The following FBXL13 variants were observed in gnomAD, a reference collection of about 807,000 sequenced individuals.
FBXL13 encodes the protein F-box and leucine-rich repeat protein 13.
A neutral mutation model predicts 83.6 loss-of-function variants in FBXL13; 67 were observed. That is an observed-to-expected ratio of 0.80 (90% CI 0.66 to 0.98). The LOEUF (loss-of-function observed/expected upper bound fraction) is 0.98, where lower values mean the gene tolerates loss of function less well. Ranked by LOEUF, FBXL13 falls within the 50% of genes least tolerant of loss-of-function variation. FBXL13 has a pLI of 0.00. For missense variants in FBXL13, 822 were observed against 866.5 expected (o/e 0.95, Z 0.64); for synonymous variants, 272 against 299.5 (o/e 0.91, Z 0.95).
intron 8 of FBXL13, among the ~76,000 whole-genome samples, chr7:102,962,653 T>TA (rs1277188021): frequency 3.9e-5 from 6 of 151,940 alleles, no homozygotes; most frequent in African/African-American, 1.2e-4. Context: ...TATGCAGCCA[T>TA]AAAAAATGAT....
chr7:102,883,534 A>G, intron 13 of FBXL13, 34 bp downstream of exon 14: 1 of 1,588,374 alleles, frequency 6.3e-7, no homozygotes, highest in Non-Finnish European at 8.6e-7. Flanking sequence ...AAAAGTAAAC[A>G]ATAATGCTGA....
Position 102,899,204 on chromosome 7 carries a change from T to A in FBXL13, c.1008+13882A>T, listed in dbSNP as rs368336873. ...CTGGAATTATAGGCGTGAGCCACCGTGCCCAGTCTGGAAGTATTCTTTTAA... is the reference window on the plus strand; with the variant it reads ...CTGGAATTATAGGCGTGAGCCACCGAGCCCAGTCTGGAAGTATTCTTTTAA... On this transcript the variant is annotated intron_variant, in intron 11 of 19. Coordinates refer to ENST00000313221, the Ensembl canonical transcript of FBXL13. 9.2e-5 allele frequency among the ~76,000 whole-genome samples: 14 copies of A among 152,330 alleles called. No homozygotes were observed. The East Asian group carries it at 1.7e-3, about 19-fold the overall frequency.
intron 1 of FBXL13, among the ~76,000 whole-genome samples, chr7:103,057,936 C>T (rs1797494866): frequency 6.6e-6 from 1 of 152,090 alleles, no homozygotes; most frequent in Non-Finnish European, 1.5e-5. Flanking sequence ...CCCACTCCTG[C>T]TGGCTTCTTC....
At position 102,963,599 on chromosome 7, in the gene FBXL13, G is replaced by A. The variant is rs765103638; in HGVS notation, c.658C>T (p.Arg220Cys). The A allele has an allele frequency of 2.4e-5, 38 of 1,612,520 alleles. No individual in the cohort carries two copies. Among genetic ancestry groups the A allele is most frequent in the South Asian group, 3.3e-5 (3 of 90,586 alleles). ...AAATTCAAACGCAGCACATTTAAACGCCACCTTTGCAAAGTAGACACTATA... is the reference window on the plus strand; with the variant it reads ...AAATTCAAACGCAGCACATTTAAACACCACCTTTGCAAAGTAGACACTATA... The change falls in exon 8 of 20, where the codon CGT (arginine) becomes TGT (cysteine). Residue 220 changes from arginine (R) to cysteine (C), a missense_variant. Physicochemically the swap from Arg to Cys is radical, Grantham distance 180 (BLOSUM62 -3). Transcript: ENST00000313221.
intron 6 of FBXL13, among the ~76,000 whole-genome samples, chr7:103,019,242 G>A (rs1014379259): frequency 2.0e-5 from 3 of 152,196 alleles, no homozygotes; most frequent in Non-Finnish European, 4.4e-5. Context: ...ATAATGAAAT[G>A]AAGGCAGAAA....
At position 102,933,756 on chromosome 7, in the gene FBXL13, T is replaced by C. The variant is rs151327013; in HGVS notation, c.725-1823A>G. The C allele has an allele frequency of 2.1e-4, 135 of 657,280 alleles. No homozygotes were observed. In the African/African-American group the frequency reaches 2.2e-3, roughly 11 times the overall value. 40.7% of individuals were successfully genotyped at this position (657,280 alleles called of 1,614,324 possible). A position where few individuals can be genotyped will look rare whatever the true frequency, so the allele number is the denominator to read the frequency against. ...GCAATGGGCCTTAATTTTTAATATA[T>C]ATTTTTTTCTCTTCCAGCCTAGGGA... On this transcript the variant is annotated intron_variant, in intron 8 of 19. Transcript: ENST00000313221.
intron 2 of FBXL13, among the ~76,000 whole-genome samples, chr7:103,040,041 G>A (rs1795498196): frequency 6.6e-6 from 1 of 151,546 alleles, no homozygotes; most frequent in Admixed American, 6.6e-5. Context: ...ACTGGATAAA[G>A]AGTCAAGACC....
chr7:102,829,235 G>A (rs757058418), intron 18 of FBXL13, among the ~76,000 whole-genome samples: 7 of 152,234 alleles, frequency 4.6e-5, no homozygotes, highest in South Asian at 2.1e-4. Flanking sequence ...AGGAATCCTC[G>A]GCTTCTGTTG....
chr7:103,062,787 C>T (rs1025036555), intron 1 of FBXL13, among the ~76,000 whole-genome samples: 5 of 152,170 alleles, frequency 3.3e-5, no homozygotes, highest in Admixed American at 6.5e-5. Context: ...AATGTATAAT[C>T]TCATCCCAAA....
chr7:103,016,872 C>T (rs1352942608), intron 6 of FBXL13, among the ~76,000 whole-genome samples: 2 of 152,218 alleles, frequency 1.3e-5, no homozygotes, highest in Non-Finnish European at 2.9e-5. Flanking sequence ...GGAGGCCTAC[C>T]TGCCTCTGTA....
intron 10 of FBXL13, among the ~76,000 whole-genome samples, chr7:102,915,334 T>C (rs1252223467): frequency 6.6e-6 from 1 of 152,130 alleles, no homozygotes; most frequent in Admixed American, 6.5e-5. Context: ...TTTAAAACTA[T>C]ATGTAATATT....
chr7:102,856,229 G>A (rs886802989), intron 16 of FBXL13, among the ~76,000 whole-genome samples: 1 of 152,156 alleles, frequency 6.6e-6, no homozygotes, highest in East Asian at 1.9e-4. Flanking sequence ...ACCAAATCCT[G>A]TGGAGCCATC....
chr7:102,822,265 C>T, intron 18 of FBXL13, 62 bp from the exon 20 acceptor site: 2 of 1,516,780 alleles, frequency 1.3e-6, no homozygotes, highest in Non-Finnish European at 1.8e-6. Context: ...AGAACAGTGC[C>T]TTAGTCACTT....
chr7:103,011,238 G>T (rs1210653302), intron 6 of FBXL13, among the ~76,000 whole-genome samples: 3 of 152,158 alleles, frequency 2.0e-5, no homozygotes, highest in Non-Finnish European at 4.4e-5. Context: ...ATAAGGATAG[G>T]AATGAAGATC....
intron 11 of FBXL13, among the ~76,000 whole-genome samples, chr7:102,890,452 C>G (rs1195746544): frequency 6.6e-6 from 1 of 152,188 alleles, no homozygotes; most frequent in Non-Finnish European, 1.5e-5. Flanking sequence ...CAGTGGTGTT[C>G]CAACCACAAG....
chr7:102,948,078 T>G (rs1016113318), intron 8 of FBXL13, among the ~76,000 whole-genome samples: 1 of 151,880 alleles, frequency 6.6e-6, no homozygotes, highest in African/African-American at 2.4e-5. Context: ...TTTTTTTTTT[T>G]TTTGAGTTGG....
intron 7 of FBXL13, among the ~76,000 whole-genome samples, chr7:102,965,179 G>A (rs1193612172): frequency 1.3e-5 from 2 of 152,162 alleles, no homozygotes; most frequent in African/African-American, 4.8e-5. Context: ...GCTAGTTAGG[G>A]GAAAGGCAAA....
intron 6 of FBXL13, chr7:102,976,367 C>T: frequency 1.7e-6 from 1 of 595,528 alleles, no homozygotes; most frequent in Non-Finnish European, 3.0e-6. Context: ...GCCCCCCGCT[C>T]CACTTTTCTG....
At chr7:102,932,301 T>C (rs1364675667) in intron 8 of FBXL13, among the ~76,000 whole-genome samples, 1 of 152,204 alleles carries the variant, frequency 6.6e-6, no homozygotes, top group Non-Finnish European at 1.5e-5. Context: ...ATTATGAACA[T>C]TTTCAAACAT....
Sources: allele counts gnomAD v4.1 joint callset (sites outside exome capture counted in the v4.1 genomes callset), GRCh38; gene constraint gnomAD v4.1.1; transcripts MANE v1.5; gene names NCBI Gene and HGNC (gene_info 2026-07-23, HGNC 2026-07-21).